VCPKMT: variants seen among roughly 807,000 people sequenced by gnomAD.
The protein encoded by VCPKMT is protein N-lysine methyltransferase METTL21D.
In VCPKMT, 32 loss-of-function variants were observed where a neutral mutation model predicts 28.6. The observed-to-expected ratio is 1.12, with a 90% CI of 0.84 to 1.50. The LOEUF (loss-of-function observed/expected upper bound fraction) is 1.50, where lower values mean the gene tolerates loss of function less well. Ranked by LOEUF, VCPKMT falls within the 40% of genes most tolerant of loss-of-function variation. VCPKMT has a pLI of 0.00. For missense variants in VCPKMT, 366 were observed against 285.0 expected, an observed-to-expected ratio of 1.28 and a Z score of -2.05; for synonymous variants, 138 against 111.4, an observed-to-expected ratio of 1.24 and a Z score of -1.50.
the VCPKMT span, among the ~76,000 whole-genome samples, chr14:50,103,507 A>C: frequency 0.15 from 23,007 of 152,140 alleles, 2,406 homozygotes; most frequent in Admixed American, 0.32. Flanking sequence ...CCGTGGAAGG[A>C]GGAATTGAGT....
rs10844 is a variant in VCPKMT at position 50,109,090 on chromosome 14, T to C, written c.*609A>G. 0.38 allele frequency: 365,448 copies of C among 973,560 alleles called. 71,721 individuals carry two copies. The highest frequency in any genetic ancestry group is 0.4 in the Non-Finnish European group (326,694 of 819,136). The allele number at this position is 973,560 out of a possible 1,614,324, so 60.3% of individuals were successfully genotyped here. A position where few individuals can be genotyped will look rare whatever the true frequency, so the allele number is the denominator to read the frequency against. On this transcript the variant is annotated 3_prime_UTR_variant, in exon 6 of 6. Transcript: ENST00000395860. ...CAATTTACTGATTAAATCACATAGA[T>C]ATGTATGGTGGAGGAAAAGAAAACT...
Position 50,115,455 on chromosome 14 carries a change from CTG to C in VCPKMT, c.450+382_450+383del, listed in dbSNP as rs1005820755. Among the ~76,000 whole-genome samples, 122 of 152,204 alleles carry C rather than the reference CTG, an allele frequency of 8.0e-4. 1 individual carries two copies. The highest frequency in any genetic ancestry group is 2.7e-3 in the African/African-American group (112 of 41,516). On this transcript the variant is annotated intron_variant, in intron 3 of 5. Transcript: ENST00000395860. ...CGTGAGCCACCGCGCCCGGCCCAAA[CTG>C]GTATTTAAAGAAAAGAACAATGAAT...
At chr14:50,111,975 G>A in intron 5 of VCPKMT, 1 of 985,272 alleles carries the variant, frequency 1.0e-6, no homozygotes, top group Non-Finnish European at 1.2e-6. Context: ...CATAAAATGT[G>A]ATTGTTATAC....
chr14:50,108,590 G>A (rs1882426919), downstream of VCPKMT: 1 of 985,420 alleles, frequency 1.0e-6, no homozygotes, highest in African/African-American at 1.7e-5. Flanking sequence ...TAACTGTTTA[G>A]ATGTTCACTT....
At chr14:50,114,166 C>T in intron 4 of VCPKMT, 119 bp downstream of exon 4, 1 of 993,432 alleles carries the variant, frequency 1.0e-6, no homozygotes. Flanking sequence ...ATCCTTTCCT[C>T]AGCTTCACAC....
downstream of VCPKMT, among the ~76,000 whole-genome samples, chr14:50,107,724 A>AG (rs1199194174): frequency 6.6e-6 from 1 of 152,212 alleles, no homozygotes; most frequent in African/African-American, 2.4e-5. Flanking sequence ...CCGAACAGGA[A>AG]GGGGGAGGAA....
chr14:50,109,592 G>GAAAAA lies in VCPKMT; in HGVS notation c.*102_*106dup. On this transcript the variant is annotated 3_prime_UTR_variant, in exon 6 of 6. Coordinates refer to ENST00000395860, the MANE Select transcript of VCPKMT (RefSeq NM_024558.3). ...ACATCGGATCTCTAAGGACGTGCCG[G>GAAAAA]AAAAAAAAATCTGTGAACACAATCT... 3 of 1,449,772 alleles carry GAAAAA rather than the reference G, an allele frequency of 2.1e-6. No homozygotes were observed. Among genetic ancestry groups the GAAAAA allele is most frequent in the Non-Finnish European group, 2.7e-6 (3 of 1,102,990 alleles). 89.8% of individuals were successfully genotyped at this position (1,449,772 alleles called of 1,614,324 possible). A position where few individuals can be genotyped will look rare whatever the true frequency, so the allele number is the denominator to read the frequency against.
chr14:50,108,613 T>A (rs1231091307), downstream of VCPKMT: 28 of 985,770 alleles, frequency 2.8e-5, no homozygotes, highest in Non-Finnish European at 3.3e-5. Context: ...TTCAAAGGTA[T>A]TTCTGAAATT....
Position 50,109,586 on chromosome 14 carries a change from G to C in VCPKMT, c.*113C>G. The C allele has an allele frequency of 1.4e-6, 2 of 1,450,486 alleles. No individual in the cohort carries two copies. Among genetic ancestry groups the C allele is most frequent in the Admixed American group, 3.0e-5 (1 of 32,984 alleles). The allele number at this position is 1,450,486 out of a possible 1,614,324, so 89.9% of individuals were successfully genotyped here. A position where few individuals can be genotyped will look rare whatever the true frequency, so the allele number is the denominator to read the frequency against. ...ATCTATACATCGGATCTCTAAGGAC[G>C]TGCCGGAAAAAAAAATCTGTGAACA... On this transcript the variant is annotated 3_prime_UTR_variant, in exon 6 of 6. Transcript: ENST00000395860.
At chr14:50,114,656 C>T (rs1225113540) in intron 3 of VCPKMT, among the ~76,000 whole-genome samples, 1 of 152,028 alleles carries the variant, frequency 6.6e-6, no homozygotes, top group African/African-American at 2.4e-5. Context: ...GAGAATACAG[C>T]GAGAGACAAA....
In VCPKMT at chr14:50,114,240, C is replaced by T. The variant is rs768332983; in HGVS notation, c.570+45G>A. On this transcript the variant is annotated intron_variant, in intron 4 of 5. Transcript: ENST00000395860. ...ACTTGAAGAGTCACATACAGCCCCC[C>T]TGAAGGGAAATCACTACAAAGATAA... The T allele has an allele frequency of 2.8e-6, 4 of 1,449,124 alleles. No homozygotes were observed. The East Asian group carries it at 7.8e-5, about 28-fold the overall frequency. 89.8% of individuals were successfully genotyped at this position (1,449,124 alleles called of 1,614,324 possible). A position where few individuals can be genotyped will look rare whatever the true frequency, so the allele number is the denominator to read the frequency against.
At chr14:50,105,086 G>A (rs1266276725), downstream of VCPKMT, among the ~76,000 whole-genome samples, 2 of 151,788 alleles carry the variant, frequency 1.3e-5, no homozygotes, top group Non-Finnish European at 1.5e-5. Flanking sequence ...GCATTTCAAA[G>A]TAGATTCTAT....
At chr14:50,107,823 G>C (rs896338270), downstream of VCPKMT, among the ~76,000 whole-genome samples, 2 of 152,118 alleles carry the variant, frequency 1.3e-5, no homozygotes, top group Non-Finnish European at 2.9e-5. Flanking sequence ...TCATTTTTCT[G>C]AACTAAAAGA....
At chr14:50,102,826 G>C in the VCPKMT span, among the ~76,000 whole-genome samples, 1 of 152,170 alleles carries the variant, frequency 6.6e-6, no homozygotes, top group African/African-American at 2.4e-5. Context: ...CTGTATTATA[G>C]GTAATGTATA....
At chr14:50,115,459 T>C (rs1883073875) in intron 3 of VCPKMT, among the ~76,000 whole-genome samples, 2 of 152,172 alleles carry the variant, frequency 1.3e-5, no homozygotes, top group African/African-American at 2.4e-5. Context: ...CCCAAACTGG[T>C]ATTTAAAGAA....
chr14:50,106,266 C>A (rs1882315112), downstream of VCPKMT, among the ~76,000 whole-genome samples: 1 of 152,128 alleles, frequency 6.6e-6, no homozygotes, highest in African/African-American at 2.4e-5. Context: ...GAAACACTGC[C>A]TTACTATGGG....
chr14:50,110,535 T>C (rs1350640706), intron 5 of VCPKMT, among the ~76,000 whole-genome samples: 2 of 152,180 alleles, frequency 1.3e-5, no homozygotes, highest in African/African-American at 4.8e-5. Context: ...GTGAGATGGG[T>C]ATAATTAACA....
At chr14:50,104,202 GGTTT>G (rs752117488), downstream of VCPKMT, among the ~76,000 whole-genome samples, 220 of 152,226 alleles carry the variant, frequency 1.4e-3, 2 homozygotes, top group Non-Finnish European at 2.4e-3. Flanking sequence ...CCATATTTTA[GGTTT>G]ATCATTTGCA....
Position 50,114,397 on chromosome 14 carries a change from T to C in VCPKMT, c.458A>G (p.Glu153Gly). The change falls in exon 4 of 6, where the codon GAG (glutamate) becomes GGG (glycine). Residue 153 changes from glutamate (E) to glycine (G), a missense_variant. By Grantham distance (98) the Glu-to-Gly change is moderately conservative. Coordinates refer to ENST00000395860, the MANE Select transcript of VCPKMT (RefSeq NM_024558.3). ...ADCIYYEESL[E>G]PLLKTLKDIS... ...ATCTTTTAGAGTTTTCAGCAATGGCTCCAAAGACTATTTAAAAAAGAATAT... is the reference window on the plus strand; with the variant it reads ...ATCTTTTAGAGTTTTCAGCAATGGCCCCAAAGACTATTTAAAAAAGAATAT... 1 of 1,530,274 alleles carries C rather than the reference T, an allele frequency of 6.5e-7. No homozygotes were observed. Among genetic ancestry groups the C allele is most frequent in the Non-Finnish European group, 8.7e-7 (1 of 1,143,138 alleles). The allele number at this position is 1,530,274 out of a possible 1,614,324, so 94.8% of individuals were successfully genotyped here.
Sources: gnomAD v4.1 joint callset for allele counts (sites outside exome capture counted in the v4.1 genomes callset) on GRCh38, gnomAD v4.1.1 for gene constraint, MANE v1.5 for transcripts, NCBI Gene and HGNC (gene_info 2026-07-23, HGNC 2026-07-21) for gene names.